ZNF541: variants seen among roughly 807,000 people sequenced by gnomAD.
ZNF541 encodes zinc finger protein 541.
Under a neutral mutation model 123.5 loss-of-function variants are expected in ZNF541, and 23 were observed. The ratio of observed to expected loss-of-function variants is 0.19; its 90% CI spans 0.13 to 0.26. The LOEUF (loss-of-function observed/expected upper bound fraction) is 0.26. Among genes scored for constraint, ZNF541 ranks in the 10% least tolerant of loss-of-function variants. The pLI is 1.00. For missense variants in ZNF541, 1,612 were observed against 1,789.9 expected (o/e 0.90, Z 1.79); for synonymous variants, 751 against 754.5 (o/e 1.00, Z 0.08).
At chr19:47,560,519 T>G (rs563849086) in intron 2 of ZNF541, among the ~76,000 whole-genome samples, 2 of 140,652 alleles carry the variant, frequency 1.4e-5, no homozygotes, top group Admixed American at 1.6e-4. Context: ...GAGGTTGCAA[T>G]GAGCCAAGAT....
At chr19:47,571,735 CAATA>C (rs1026679908) in intron 2 of ZNF541, among the ~76,000 whole-genome samples, 157 bp downstream of exon 2, 2 of 151,988 alleles carry the variant, frequency 1.3e-5, no homozygotes, top group Non-Finnish European at 2.9e-5. Flanking sequence ...TCAACATGCA[CAATA>C]AATAGCCCTT....
In ZNF541 at chr19:47,544,673, T is replaced by G; in HGVS notation, c.1856A>C (p.Glu619Ala). 11 of 1,533,820 alleles carry G rather than the reference T, an allele frequency of 7.2e-6. No individual in the cohort carries two copies. Among genetic ancestry groups the G allele is most frequent in the Non-Finnish European group, 7.9e-6 (9 of 1,140,762 alleles). ...CCTGCGGGCTGGGGAGCCCTCTGCCTCGGGGTTTCCAGGGCCGGCGTGGAG... is the reference window on the plus strand; with the variant it reads ...CCTGCGGGCTGGGGAGCCCTCTGCCGCGGGGTTTCCAGGGCCGGCGTGGAG... ...DSLHAGPGNPEAEGSPARRRK... is the reference protein window; with the variant it reads ...DSLHAGPGNPAAEGSPARRRK... Residue 619 changes from glutamate (E) to alanine (A), a missense_variant, in exon 5 of 17, where the codon GAG becomes GCG. Physicochemically the swap from Glu to Ala is moderately radical, Grantham distance 107. Around this residue, in one of 5 missense-constraint regions of ZNF541, gnomAD observed 1,080 missense variants for 1,013.8 expected, o/e 1.07. Coordinates refer to ENST00000391901, the MANE Select transcript of ZNF541 (RefSeq NM_001277075.3).
At chr19:47,547,472 C>T (rs944106837) in intron 4 of ZNF541, among the ~76,000 whole-genome samples, 3 of 152,164 alleles carry the variant, frequency 2.0e-5, no homozygotes, top group South Asian at 2.1e-4. Flanking sequence ...CAGTCCTAGT[C>T]GATGTGGACT....
At position 47,545,059 on chromosome 19, in the gene ZNF541, C is replaced by T. The variant is rs1401494593; in HGVS notation, c.1470G>A (p.Arg490=). 6.8e-7 allele frequency: 1 copy of T among 1,478,508 alleles called. No individual in the cohort carries two copies. The highest frequency in any genetic ancestry group is 8.9e-7 in the Non-Finnish European group (1 of 1,118,250). The allele number at this position is 1,478,508 out of a possible 1,614,324, so 91.6% of individuals were successfully genotyped here. The part of the protein sequence containing the change: ...RVPAEAPSDP[R]SASGEDDPCA... ...AGGGGTCATCTTCCCCGCTGGCCGACCTGGGGTCGCTCGGGGCCTCCGCGG... is the reference window on the plus strand; with the variant it reads ...AGGGGTCATCTTCCCCGCTGGCCGATCTGGGGTCGCTCGGGGCCTCCGCGG... The change falls in exon 5 of 17, where the codon AGG becomes AGA. Residue 490 remains arginine, a synonymous_variant. Coordinates refer to ENST00000391901, the MANE Select transcript of ZNF541 (RefSeq NM_001277075.3). The surrounding 1 kb of genome is among the most constrained non-coding windows in gnomAD (Gnocchi z 7.5).
At chr19:47,526,210 G>A (rs554653325) in intron 14 of ZNF541, among the ~76,000 whole-genome samples, 1 of 152,118 alleles carries the variant, frequency 6.6e-6, no homozygotes, top group African/African-American at 2.4e-5. Flanking sequence ...GGCTGGGCGC[G>A]GTGGCTCACG....
chr19:47,540,068 AC>A, intron 7 of ZNF541, 107 bp downstream of exon 7: 1 of 1,447,088 alleles, frequency 6.9e-7, no homozygotes. Context: ...CCAGCCCCCG[AC>A]CCAGAGTGAC....
At chr19:47,528,144 A>G (rs918998237) in intron 14 of ZNF541, among the ~76,000 whole-genome samples, 3 of 142,174 alleles carry the variant, frequency 2.1e-5, no homozygotes, top group Non-Finnish European at 3.1e-5. Flanking sequence ...GAGAAACCCC[A>G]TCTCTACTAA....
intron 14 of ZNF541, among the ~76,000 whole-genome samples, chr19:47,525,917 CAAAAAAA>C (rs34123668): frequency 1.7e-5 from 1 of 57,606 alleles, no homozygotes; most frequent in Non-Finnish European, 3.9e-5. Flanking sequence ...CTCCGTCTCA[CAAAAAAA>C]AAAAAAAAAA....
chr19:47,529,080 T>G (rs1969443161), intron 13 of ZNF541, 42 bp from the exon 14 acceptor site: 1 of 1,442,284 alleles, frequency 6.9e-7, no homozygotes, highest in East Asian at 2.5e-5. Flanking sequence ...CCATTTGTCC[T>G]GGGACCACAG....
rs57853472 is a variant in ZNF541, at chr19:47,557,016, C to G, written c.-98-1062G>C. Among the ~76,000 whole-genome samples, 609 of 152,230 alleles carry G rather than the reference C, an allele frequency of 4.0e-3. 3 individuals carry two copies. The highest frequency in any genetic ancestry group is 0.014 in the African/African-American group (587 of 41,532). ...CAGATGATCCACCTGCCTTGGCCTC[C>G]CAAAGTGCTGGGATTACAGGCGTGA... On this transcript the variant is annotated intron_variant, in intron 2 of 16. Transcript: ENST00000391901.
chr19:47,553,215 G>A (rs1325372183), intron 3 of ZNF541, among the ~76,000 whole-genome samples: 2 of 151,960 alleles, frequency 1.3e-5, no homozygotes, highest in Non-Finnish European at 2.9e-5. Flanking sequence ...GTGTTATAAG[G>A]GCTCTACAGT....
At chr19:47,542,400 A>G (rs1366270932) in intron 5 of ZNF541, among the ~76,000 whole-genome samples, 1 of 152,158 alleles carries the variant, frequency 6.6e-6, no homozygotes, top group Non-Finnish European at 1.5e-5. Flanking sequence ...TCATGCCTGT[A>G]ATCTCAGCAC....
At chr19:47,559,714 G>A (rs1970982570) in intron 2 of ZNF541, among the ~76,000 whole-genome samples, 1 of 152,006 alleles carries the variant, frequency 6.6e-6, no homozygotes, top group East Asian at 1.9e-4. Flanking sequence ...GCTGGGTGTG[G>A]TAGTGCACGC....
chr19:47,544,011 C>G (rs898022445), intron 5 of ZNF541, 115 bp downstream of exon 5: 4 of 1,289,904 alleles, frequency 3.1e-6, no homozygotes, highest in Non-Finnish European at 3.1e-6. Flanking sequence ...TAATTCCTTC[C>G]TCTGTAAAAT....
chr19:47,565,564 C>A (rs1425979283), intron 2 of ZNF541, among the ~76,000 whole-genome samples: 1 of 152,100 alleles, frequency 6.6e-6, no homozygotes, highest in Non-Finnish European at 1.5e-5. Flanking sequence ...TGCTGCAGTT[C>A]AAATTGAGAC....
At position 47,532,958 on chromosome 19, in the gene ZNF541, A is replaced by C. The variant is rs1599958757; in HGVS notation, c.3109T>G (p.Ser1037Ala). Residue 1037 changes from serine to alanine, a missense_variant, in exon 10 of 17, where the codon TCC (serine) becomes GCC (alanine). This residue lies in a region of ZNF541 where 285 missense variants were observed against 407.3 expected (regional missense o/e 0.70). Transcript: ENST00000391901. ...TCCTTCACCACACAGATGCCAAAGG[A>C]CCCATCCACTTGATCTAGAAAGCAC... ...ISSMLDQVDG[S>A]FGICVVKDDT... The C allele has an allele frequency of 6.5e-7, 1 of 1,549,518 alleles. No individual in the cohort carries two copies. Among genetic ancestry groups the C allele is most frequent in the Non-Finnish European group, 8.7e-7 (1 of 1,145,842 alleles).
chr19:47,536,817 C>T (rs1374555807), intron 9 of ZNF541, among the ~76,000 whole-genome samples: 1 of 151,940 alleles, frequency 6.6e-6, no homozygotes, highest in Non-Finnish European at 1.5e-5. Flanking sequence ...TCATAATAGC[C>T]CAAAGTGGAA....
At chr19:47,536,350 G>A (rs1054865841) in intron 9 of ZNF541, among the ~76,000 whole-genome samples, 2 of 152,200 alleles carry the variant, frequency 1.3e-5, no homozygotes, top group Non-Finnish European at 2.9e-5. Flanking sequence ...CGATTCTCCT[G>A]CCTCAGCCTC....
rs1223633362 is a variant in ZNF541 at position 47,545,905 on chromosome 19, G to A, written c.624C>T (p.Cys208=). The A allele has an allele frequency of 1.3e-6, 2 of 1,545,174 alleles. No individual in the cohort carries two copies. Among genetic ancestry groups the A allele is most frequent in the East Asian group, 2.5e-5 (1 of 40,790 alleles). Residue 208 remains cysteine (C), a synonymous_variant, in exon 5 of 17, where the codon TGC becomes TGT. Coordinates refer to ENST00000391901, the MANE Select transcript of ZNF541 (RefSeq NM_001277075.3). The surrounding 1 kb of genome is among the most constrained non-coding windows in gnomAD (Gnocchi z 7.5). The part of the protein sequence containing the change: ...CIEQGCSKSY[C]DYRSLRRHYE... ...AGTGCCGGCGCAGAGAGCGGTAGTC[G>A]CAGTAGCTCTTGCTGCAGCCCTGCT...
Sources: gnomAD v4.1 joint callset for allele counts (sites outside exome capture counted in the v4.1 genomes callset) on GRCh38, gnomAD v4.1.1 for gene constraint, gnomAD v4.1.1 regional missense constraint, Gnocchi (gnomAD v3.1) non-coding constraint, MANE v1.5 for transcripts, NCBI Gene and HGNC (gene_info 2026-07-23, HGNC 2026-07-21) for gene names.